The following VTI1A variants were observed in gnomAD, a reference collection of about 807,000 sequenced individuals.
VTI1A encodes the protein vesicle transport through interaction with t-SNAREs 1A.
A neutral mutation model predicts 34.9 loss-of-function variants in VTI1A; 22 were observed. The observed-to-expected ratio is 0.63, with a 90% CI of 0.45 to 0.90. VTI1A has a LOEUF of 0.90. Ranked by LOEUF, VTI1A falls within the 40% of genes least tolerant of loss-of-function variation. VTI1A has a pLI of 0.00. For synonymous variants in VTI1A, 87 were observed against 97.3 expected (o/e 0.89, Z 0.62); for missense variants, 268 against 275.6 (o/e 0.97, Z 0.20).
intron 5 of VTI1A, among the ~76,000 whole-genome samples, chr10:112,577,892 C>T (rs574025823): frequency 4.6e-5 from 7 of 152,210 alleles, no homozygotes; most frequent in Non-Finnish European, 8.8e-5. Flanking sequence ...CAAATCCGTT[C>T]GCTGTTTAAG....
chr10:112,833,268 A>C, the VTI1A span, among the ~76,000 whole-genome samples: 6,265 of 151,910 alleles, frequency 0.041, 176 homozygotes, highest in African/African-American at 0.08. Flanking sequence ...AACCCCTAGC[A>C]TCCCATGTCC....
chr10:112,711,090 A>G (rs1459819110), intron 7 of VTI1A, among the ~76,000 whole-genome samples: 1 of 152,188 alleles, frequency 6.6e-6, no homozygotes, highest in East Asian at 1.9e-4. Context: ...ACCTAGTTAT[A>G]TTTTTGGGTA....
At chr10:112,482,746 C>A (rs10885353) in intron 3 of VTI1A, among the ~76,000 whole-genome samples, 7,554 of 152,178 alleles carry the variant, frequency 0.05, 260 homozygotes, top group Non-Finnish European at 0.077. Flanking sequence ...ATTTCTTGTG[C>A]CCTTGGTAAT....
intron 7 of VTI1A, among the ~76,000 whole-genome samples, chr10:112,687,388 C>T (rs899463562): frequency 6.6e-6 from 1 of 151,576 alleles, no homozygotes; most frequent in African/African-American, 2.4e-5. Context: ...CTCCCACCAC[C>T]ACGCCCGGCT....
At chr10:112,565,099 T>A (rs1851866277) in intron 5 of VTI1A, among the ~76,000 whole-genome samples, 1 of 152,146 alleles carries the variant, frequency 6.6e-6, no homozygotes, top group Non-Finnish European at 1.5e-5. Flanking sequence ...ATTTATCAAG[T>A]TCATATATGA....
chr10:112,602,924 C>A (rs2134477468), intron 5 of VTI1A, among the ~76,000 whole-genome samples: 1 of 152,252 alleles, frequency 6.6e-6, no homozygotes, highest in East Asian at 1.9e-4. Flanking sequence ...GTCCAAATAG[C>A]CTGCTAAAGC....
At chr10:112,619,118 G>A (rs1273120716) in intron 5 of VTI1A, among the ~76,000 whole-genome samples, 1 of 147,666 alleles carries the variant, frequency 6.8e-6, no homozygotes, top group African/African-American at 2.5e-5. Flanking sequence ...TCAGAAAATT[G>A]TCATATTGGT....
chr10:112,453,150 C>T (rs1034178350), intron 1 of VTI1A, among the ~76,000 whole-genome samples: 4 of 152,112 alleles, frequency 2.6e-5, no homozygotes, highest in Admixed American at 6.5e-5. Context: ...GGGATTTGCT[C>T]AATGTTTTTC....
chr10:112,553,711 A>C (rs563618254), intron 5 of VTI1A, among the ~76,000 whole-genome samples: 9 of 152,340 alleles, frequency 5.9e-5, no homozygotes, highest in African/African-American at 2.2e-4. Flanking sequence ...AGGTATACCC[A>C]CTTTTGAAGC....
intron 7 of VTI1A, among the ~76,000 whole-genome samples, chr10:112,784,074 G>C (rs1030689377): frequency 1.3e-5 from 2 of 152,202 alleles, no homozygotes; most frequent in Non-Finnish European, 2.9e-5. Context: ...AAACACAAAT[G>C]ATGGGCACAG....
intron 7 of VTI1A, among the ~76,000 whole-genome samples, chr10:112,739,705 A>G (rs769202203): frequency 6.6e-6 from 1 of 152,228 alleles, no homozygotes; most frequent in Non-Finnish European, 1.5e-5. Context: ...CTGAAAAGCC[A>G]TACACCCTGG....
intron 5 of VTI1A, among the ~76,000 whole-genome samples, chr10:112,599,963 T>C (rs936047248): frequency 6.6e-6 from 1 of 152,182 alleles, no homozygotes; most frequent in Non-Finnish European, 1.5e-5. Flanking sequence ...AATTATGCTA[T>C]GTGTTCATTA....
At chr10:112,789,229 T>TA (rs142809166) in intron 7 of VTI1A, among the ~76,000 whole-genome samples, 1 of 115,474 alleles carries the variant, frequency 8.7e-6, no homozygotes, top group Non-Finnish European at 1.7e-5. Flanking sequence ...GCAAGTCTAC[T>TA]AAAAAAAATT....
At chr10:112,631,546 T>C (rs1846130994) in intron 5 of VTI1A, among the ~76,000 whole-genome samples, 1 of 152,250 alleles carries the variant, frequency 6.6e-6, no homozygotes, top group Non-Finnish European at 1.5e-5. Flanking sequence ...TTTTGTTCAC[T>C]CAGCATAATG....
Position 112,815,666 on chromosome 10 carries a change from G to A in VTI1A, c.*283G>A. On this transcript the variant is annotated 3_prime_UTR_variant, in exon 8 of 8. Transcript: ENST00000393077. The stretch of plus-strand genomic sequence containing the variant: ...CTAATGTCATCAACTAGCCAAAATA[G>A]CCCCAGTGACACTCCTAGCCCTCTG... 2.3e-6 allele frequency: 1 copy of A among 443,252 alleles called. No homozygotes were observed. The highest frequency in any genetic ancestry group is 4.2e-6 in the Non-Finnish European group (1 of 239,530). 27.5% of individuals were successfully genotyped at this position (443,252 alleles called of 1,614,324 possible). A position where few individuals can be genotyped will look rare whatever the true frequency, so the allele number is the denominator to read the frequency against.
At chr10:112,580,491 A>AT (rs1358544469) in intron 5 of VTI1A, among the ~76,000 whole-genome samples, 3 of 152,220 alleles carry the variant, frequency 2.0e-5, no homozygotes, top group Admixed American at 1.3e-4. Context: ...GTTAGGAAGC[A>AT]TTAATGTGTA....
At chr10:112,546,253 G>A (rs1851122431) in intron 5 of VTI1A, among the ~76,000 whole-genome samples, 1 of 151,284 alleles carries the variant, frequency 6.6e-6, no homozygotes, top group African/African-American at 2.4e-5. Context: ...ATTTGGCCAG[G>A]TAGCTAGCTA....
intron 7 of VTI1A, among the ~76,000 whole-genome samples, chr10:112,754,826 A>G (rs2133997808): frequency 6.6e-6 from 1 of 152,324 alleles, no homozygotes; most frequent in South Asian, 2.1e-4. Context: ...AGGAAAGAGG[A>G]AAAGAATTAG....
At chr10:112,543,388 T>G (rs1013581256) in intron 5 of VTI1A, among the ~76,000 whole-genome samples, 6 of 152,210 alleles carry the variant, frequency 3.9e-5, no homozygotes, top group Non-Finnish European at 8.8e-5. Context: ...TGTGAGATGG[T>G]ATCTCATTGT....
Sources: gnomAD v4.1 joint callset for allele counts (sites outside exome capture counted in the v4.1 genomes callset) on GRCh38, gnomAD v4.1.1 for gene constraint, MANE v1.5 for transcripts, NCBI Gene and HGNC (gene_info 2026-07-23, HGNC 2026-07-21) for gene names.